Variants in METTL15 observed in about 807,000 individuals in gnomAD.
The protein encoded by METTL15 is methyltransferase 15, mitochondrial 12S rRNA N4-cytidine, also known as 12S rRNA N(4)-cytidine methyltransferase METTL15.
In METTL15, 34 loss-of-function variants were observed where a neutral mutation model predicts 38.3. The observed-to-expected ratio is 0.89, with a 90% CI of 0.68 to 1.18. The LOEUF (loss-of-function observed/expected upper bound fraction) is 1.18. Ranked by LOEUF, METTL15 falls within the 50% of genes most tolerant of loss-of-function variation. METTL15 has a pLI of 0.00. For missense variants in METTL15, 438 were observed against 498.4 expected, an observed-to-expected ratio of 0.88 and a Z score of 1.15; for synonymous variants, 162 against 170.9, an observed-to-expected ratio of 0.95 and a Z score of 0.41.
intron 4 of METTL15, among the ~76,000 whole-genome samples, chr11:28,230,168 TGAG>T (rs1853630329): frequency 6.6e-6 from 1 of 151,958 alleles, no homozygotes; most frequent in South Asian, 2.1e-4. Flanking sequence ...ATTACTGACA[TGAG>T]GAGACAGAAT....
intron 6 of METTL15, among the ~76,000 whole-genome samples, chr11:28,459,567 A>G (rs975847914): frequency 2.0e-5 from 3 of 152,178 alleles, no homozygotes; most frequent in Admixed American, 6.6e-5. Flanking sequence ...TTTGGAATCA[A>G]GTTACTCCTA....
At chr11:28,125,860 G>A (rs565883304) in intron 3 of METTL15, 3 of 151,902 alleles carry the variant, frequency 2.0e-5, no homozygotes, top group Non-Finnish European at 4.4e-5. Flanking sequence ...GTTCTTGATC[G>A]ACTTAAGGTA....
At chr11:28,291,207 C>A (rs538819149) in intron 5 of METTL15, among the ~76,000 whole-genome samples, 3 of 151,768 alleles carry the variant, frequency 2.0e-5, no homozygotes, top group Non-Finnish European at 4.4e-5. Flanking sequence ...CCAGCATGCC[C>A]GGCTAATTAT....
chr11:28,321,387 A>G (rs1849462371), intron 6 of METTL15, among the ~76,000 whole-genome samples: 1 of 152,190 alleles, frequency 6.6e-6, no homozygotes, highest in African/African-American at 2.4e-5. Context: ...TGACATTTCC[A>G]TTACACAATG....
intron 3 of METTL15, among the ~76,000 whole-genome samples, chr11:28,128,170 A>T (rs921043685): frequency 2.6e-5 from 4 of 152,150 alleles, no homozygotes; most frequent in African/African-American, 9.6e-5. Context: ...TTTAGCCAAG[A>T]TAGAAACTTT....
intron 4 of METTL15, among the ~76,000 whole-genome samples, chr11:28,216,308 A>T (rs1472205505): frequency 6.6e-6 from 1 of 152,144 alleles, no homozygotes; most frequent in African/African-American, 2.4e-5. Flanking sequence ...GGAGGAAATA[A>T]TCCAAAAATT....
intron 5 of METTL15, among the ~76,000 whole-genome samples, chr11:28,393,745 C>T (rs748184641): frequency 3.9e-5 from 6 of 152,110 alleles, no homozygotes; most frequent in Non-Finnish European, 7.4e-5. Flanking sequence ...TTCTTCAGTA[C>T]TCTTTTGGTC....
chr11:28,466,335 A>T (rs1851256661), intron 6 of METTL15, among the ~76,000 whole-genome samples: 1 of 152,250 alleles, frequency 6.6e-6, no homozygotes, highest in African/African-American at 2.4e-5. Flanking sequence ...AACTTTTCAT[A>T]AGATAAACCT....
chr11:28,455,035 T>C (rs1851155768), intron 6 of METTL15, among the ~76,000 whole-genome samples: 1 of 152,070 alleles, frequency 6.6e-6, no homozygotes, highest in Non-Finnish European at 1.5e-5. Flanking sequence ...CAGGAAATAG[T>C]GGTTCAGTGG....
intron 5 of METTL15, among the ~76,000 whole-genome samples, chr11:28,421,291 A>C (rs1393055776): frequency 6.6e-6 from 1 of 152,040 alleles, no homozygotes; most frequent in African/African-American, 2.4e-5. Context: ...CATTTAAAGA[A>C]GAACTAATAT....
intron 3 of METTL15, among the ~76,000 whole-genome samples, chr11:28,175,594 CTTA>C (rs1590110764): frequency 6.6e-6 from 1 of 152,088 alleles, no homozygotes; most frequent in African/African-American, 2.4e-5. Context: ...GCCCAAATGA[CTTA>C]TTAACTTTCT....
intron 6 of METTL15, among the ~76,000 whole-genome samples, chr11:28,481,951 A>C (rs1022894479): frequency 6.6e-6 from 1 of 152,166 alleles, no homozygotes; most frequent in East Asian, 1.9e-4. Context: ...TAATTCTGAA[A>C]TACATTTTCT....
intron 4 of METTL15, among the ~76,000 whole-genome samples, chr11:28,275,439 G>A (rs550561148): frequency 2.5e-4 from 38 of 152,086 alleles, no homozygotes; most frequent in Middle Eastern, 3.4e-3. Context: ...CCAGTAATGT[G>A]TAGCAAGGTT....
intron 6 of METTL15, among the ~76,000 whole-genome samples, chr11:28,424,848 A>ATTGAGCT (rs1850851003): frequency 6.6e-6 from 1 of 152,164 alleles, no homozygotes; most frequent in African/African-American, 2.4e-5. Context: ...TTTTCTCTTC[A>ATTGAGCT]TTGAGCTTCA....
At chr11:28,328,176 G>C in intron 6 of METTL15, 1 of 1,607,392 alleles carries the variant, frequency 6.2e-7, no homozygotes, top group South Asian at 1.1e-5. Flanking sequence ...GTAAGAAGCT[G>C]GCCTTCCTTT....
Position 28,256,218 on chromosome 11 carries a change from GT to G in METTL15, c.408-33985del, listed in dbSNP as rs1854965664. The stretch of plus-strand genomic sequence containing the variant: ...GGGTAATACTAGCCTCACACAGTGA[GT>G]TTGAAAATATTCCCTTATCCTCTTT... On this transcript the variant is annotated intron_variant, in intron 4 of 6. Transcript: ENST00000407364. Among the ~76,000 whole-genome samples the G allele has an allele frequency of 3.9e-5, 6 of 152,314 alleles. No individual in the cohort carries two copies. In the South Asian group the frequency reaches 1.2e-3, roughly 32 times the overall value.
intron 3 of METTL15, among the ~76,000 whole-genome samples, chr11:28,187,488 A>G (rs1437575737): frequency 6.7e-6 from 1 of 149,928 alleles, no homozygotes; most frequent in Non-Finnish European, 1.5e-5. Context: ...CGTATTGGAC[A>G]GTACCTGGTA....
chr11:28,375,427 C>T (rs1441357062), intron 5 of METTL15, among the ~76,000 whole-genome samples: 9 of 151,972 alleles, frequency 5.9e-5, no homozygotes, highest in Admixed American at 2.0e-4. Flanking sequence ...TTATCCATTT[C>T]TTCTAGATTT....
At chr11:28,232,668 C>T (rs530679767) in intron 4 of METTL15, among the ~76,000 whole-genome samples, 90 of 151,954 alleles carry the variant, frequency 5.9e-4, no homozygotes, top group African/African-American at 2.1e-3. Context: ...TGTGTAGGCC[C>T]AGCATAGGAT....
Sources: gnomAD v4.1 joint callset for allele counts (sites outside exome capture counted in the v4.1 genomes callset) on GRCh38, gnomAD v4.1.1 for gene constraint, MANE v1.5 for transcripts, NCBI Gene and HGNC (gene_info 2026-07-23, HGNC 2026-07-21) for gene names.